FHIT: variants seen among roughly 807,000 people sequenced by gnomAD.
FHIT encodes the protein bis(5'-adenosyl)-triphosphatase.
A neutral mutation model predicts 17.9 loss-of-function variants in FHIT; 19 were observed. The ratio of observed to expected loss-of-function variants is 1.06; its 90% CI spans 0.74 to 1.56. FHIT has a LOEUF of 1.56. Ranked by LOEUF, FHIT falls within the 40% of genes most tolerant of loss-of-function variation. FHIT has a pLI of 0.00. For synonymous variants in FHIT, 81 were observed against 69.7 expected (o/e 1.16, Z -0.81); for missense variants, 248 against 189.2 (o/e 1.31, Z -1.82).
At chr3:60,921,142 C>G (rs1707259233) in intron 3 of FHIT, among the ~76,000 whole-genome samples, 1 of 152,194 alleles carries the variant, frequency 6.6e-6, no homozygotes, top group Non-Finnish European at 1.5e-5. Flanking sequence ...AGGCAAACGA[C>G]ACTTCTGAGT....
chr3:60,970,342 C>A (rs2107527702), intron 3 of FHIT, among the ~76,000 whole-genome samples: 1 of 152,180 alleles, frequency 6.6e-6, no homozygotes, highest in South Asian at 2.1e-4. Flanking sequence ...AACTTTGAAT[C>A]TTTATATGGA....
intron 2 of FHIT, among the ~76,000 whole-genome samples, chr3:61,131,109 TC>T (rs2036751110): frequency 6.6e-6 from 1 of 152,166 alleles, no homozygotes; most frequent in Non-Finnish European, 1.5e-5. Flanking sequence ...ACCTCTACTA[TC>T]CCTTAGAAGT....
intron 3 of FHIT, among the ~76,000 whole-genome samples, chr3:60,915,388 T>A (rs1279549503): frequency 6.6e-6 from 1 of 152,182 alleles, no homozygotes; most frequent in Non-Finnish European, 1.5e-5. Context: ...TATTAAAAGT[T>A]TATAATAAGC....
Position 60,634,145 on chromosome 3 carries a change from G to A in FHIT, c.-17-97166C>T, listed in dbSNP as rs62249148. ...CCTCTGAGCTTCACTTTCCTCATCT[G>A]TAAAATGGGTGAAAGCCAACTTCAG... is the stretch of plus-strand genomic sequence containing the variant. On this transcript the variant is annotated intron_variant, in intron 4 of 9. Transcript: ENST00000492590. 6.6e-3 allele frequency among the ~76,000 whole-genome samples: 999 copies of A among 152,264 alleles called. 4 individuals carry two copies. Among genetic ancestry groups the A allele is most frequent in the Non-Finnish European group, 0.011 (725 of 68,028 alleles).
intron 2 of FHIT, among the ~76,000 whole-genome samples, chr3:61,189,554 G>A (rs1228814651): frequency 2.6e-5 from 4 of 151,872 alleles, no homozygotes; most frequent in Non-Finnish European, 5.9e-5. Flanking sequence ...AGCTACCAAT[G>A]ACTTTCTTCA....
At chr3:60,133,676 C>A (rs1699690939) in intron 5 of FHIT, among the ~76,000 whole-genome samples, 1 of 151,772 alleles carries the variant, frequency 6.6e-6, no homozygotes, top group African/African-American at 2.4e-5. Context: ...CAGCTTAGCA[C>A]AACCCATTCA....
At chr3:60,075,736 A>C (rs1366389936) in intron 5 of FHIT, among the ~76,000 whole-genome samples, 1 of 152,026 alleles carries the variant, frequency 6.6e-6, no homozygotes, top group Non-Finnish European at 1.5e-5. Context: ...TCTATAATAC[A>C]TGGCCATCAA....
chr3:60,294,280 G>C (rs939224501), intron 5 of FHIT, among the ~76,000 whole-genome samples: 1 of 152,222 alleles, frequency 6.6e-6, no homozygotes, highest in Non-Finnish European at 1.5e-5. Context: ...ATGTCCAAGC[G>C]TACTTCTGAG....
chr3:60,367,947 G>C (rs779483534), intron 5 of FHIT, among the ~76,000 whole-genome samples: 4 of 152,126 alleles, frequency 2.6e-5, no homozygotes, highest in Non-Finnish European at 5.9e-5. Flanking sequence ...ATTTAGAGAA[G>C]TCCACCATGC....
intron 5 of FHIT, among the ~76,000 whole-genome samples, chr3:60,332,502 A>C (rs1447363609): frequency 1.3e-5 from 2 of 152,210 alleles, no homozygotes; most frequent in African/African-American, 4.8e-5. Flanking sequence ...AGAAATAGAC[A>C]AACTAGCTGG....
In FHIT at chr3:60,639,218, G is replaced by C. The variant is rs183066763; in HGVS notation, c.-17-102239C>G. ...AGAGCTTGATGCAGTTTCTGAGCTA[G>C]AGAGAGAAGTTTGGAAGTTAAGGGC... is the stretch of plus-strand genomic sequence containing the variant. On this transcript the variant is annotated intron_variant, in intron 4 of 9. Transcript: ENST00000492590. Among the ~76,000 whole-genome samples the C allele has an allele frequency of 4.4e-3, 667 of 151,870 alleles. 3 individuals carry two copies. The highest frequency in any genetic ancestry group is 8.1e-3 in the Non-Finnish European group (551 of 67,978).
At chr3:60,559,246 G>C (rs773223778) in intron 4 of FHIT, among the ~76,000 whole-genome samples, 1 of 152,070 alleles carries the variant, frequency 6.6e-6, no homozygotes, top group Non-Finnish European at 1.5e-5. Flanking sequence ...AAATAAATAA[G>C]GAGACAATTA....
At position 61,034,974 on chromosome 3, in the gene FHIT, A is replaced by G. The variant is rs75253315; in HGVS notation, c.-111+7073T>C. 8.3e-4 allele frequency among the ~76,000 whole-genome samples: 126 copies of G among 152,320 alleles called. 1 individual carries two copies. The highest frequency in any genetic ancestry group is 3.0e-3 in the African/African-American group (123 of 41,582). On this transcript the variant is annotated intron_variant, in intron 3 of 9. Transcript: ENST00000492590. ...TATTATTCAGCCCTAAGAAAGGAAT[A>G]AACTTCTGATACATCTTATAACCTG...
At chr3:60,195,258 T>C (rs1405819852) in intron 5 of FHIT, among the ~76,000 whole-genome samples, 1 of 151,756 alleles carries the variant, frequency 6.6e-6, no homozygotes, top group African/African-American at 2.4e-5. Flanking sequence ...CCAGAAACAA[T>C]AGATGTTGAC....
At chr3:60,901,708 CTTGTA>C (rs1706122797) in intron 3 of FHIT, among the ~76,000 whole-genome samples, 1 of 152,144 alleles carries the variant, frequency 6.6e-6, no homozygotes, top group African/African-American at 2.4e-5. Flanking sequence ...TTCTCATTCA[CTTGTA>C]GCTAGGTACT....
chr3:60,462,882 G>A (rs1279723198), intron 5 of FHIT, among the ~76,000 whole-genome samples: 2 of 152,246 alleles, frequency 1.3e-5, no homozygotes, highest in Admixed American at 1.3e-4. Context: ...CTCCCAATAG[G>A]CAGGCCGACA....
intron 1 of FHIT, among the ~76,000 whole-genome samples, chr3:61,210,833 TC>T (rs1174735604): frequency 6.6e-6 from 1 of 151,696 alleles, no homozygotes; most frequent in African/African-American, 2.4e-5. Flanking sequence ...TGTATTGCAC[TC>T]CCCAGTGAGA....
intron 5 of FHIT, among the ~76,000 whole-genome samples, chr3:60,231,436 C>T (rs1344259957): frequency 2.0e-5 from 3 of 152,204 alleles, no homozygotes; most frequent in African/African-American, 7.2e-5. Flanking sequence ...CTACCTGCCG[C>T]AGCCTTCCAG....
In FHIT at chr3:60,582,563, A is replaced by G. The variant is rs146719679; in HGVS notation, c.-17-45584T>C. On this transcript the variant is annotated intron_variant, in intron 4 of 9. Transcript: ENST00000492590. ...AGACCAAAGTTTAAAATATTGACTA[A>G]GACTGTGGCATTCACATGGGTTTCA... Among the ~76,000 whole-genome samples, 9 of 152,186 alleles carry G rather than the reference A, an allele frequency of 5.9e-5. No homozygotes were observed. In the South Asian group the frequency reaches 8.3e-4, roughly 14 times the overall value.
Sources: gnomAD v4.1 joint callset for allele counts (sites outside exome capture counted in the v4.1 genomes callset) on GRCh38, gnomAD v4.1.1 for gene constraint, MANE v1.5 for transcripts, NCBI Gene and HGNC (gene_info 2026-07-23, HGNC 2026-07-21) for gene names.